The following LRRC9 variants were observed in gnomAD, a reference collection of about 807,000 sequenced individuals.
The protein encoded by LRRC9 is leucine-rich repeat-containing protein 9.
Under a neutral mutation model 63.2 loss-of-function variants are expected in LRRC9, and 122 were observed. The observed-to-expected ratio is 1.93, with a 90% CI of 1.67 to 2.24. The LOEUF is 2.24. LRRC9 is among the 30% of genes most tolerant of loss of function. The probability of loss-of-function intolerance (pLI) is 0.00; values close to 1 mark genes in which losing one functional copy is unlikely to be tolerated. For missense variants in LRRC9, 1,071 were observed against 627.7 expected (o/e 1.71, Z -7.55); for synonymous variants, 366 against 213.1 (o/e 1.72, Z -6.25).
In LRRC9 at chr14:60,009,039, T is replaced by C. The variant is rs1016428584; in HGVS notation, c.3186+825T>C. ...GTTAGCTTTCACTGAAAAATGTTTT[T>C]TAAAATAGTCCTATGAGACCAGTAC... On this transcript the variant is annotated intron_variant, in intron 23 of 31. Transcript: ENST00000445360. 9.8e-5 allele frequency among the ~76,000 whole-genome samples: 15 copies of C among 152,306 alleles called. 1 individual carries two copies. Among genetic ancestry groups the C allele is most frequent in the Admixed American group, 6.5e-4 (10 of 15,296 alleles).
At chr14:60,005,030 T>A (rs567206072) in intron 21 of LRRC9, among the ~76,000 whole-genome samples, 1 of 152,118 alleles carries the variant, frequency 6.6e-6, no homozygotes, top group Admixed American at 6.5e-5. Flanking sequence ...CATTTTTGAA[T>A]TGGATTATTT....
intron 19 of LRRC9, among the ~76,000 whole-genome samples, chr14:60,001,716 T>C (rs1319833831): frequency 1.3e-5 from 2 of 151,742 alleles, no homozygotes; most frequent in African/African-American, 4.9e-5. Context: ...TCTATGTGTG[T>C]TCATATTATA....
At chr14:59,920,171 G>C (rs1190102389) in intron 1 of LRRC9, 1 of 152,312 alleles carries the variant, frequency 6.6e-6, no homozygotes, top group Non-Finnish European at 1.5e-5. Context: ...CCTGGGGCGG[G>C]AGAGGGTTTC....
At chr14:59,954,964 T>C (rs1445335317) in intron 8 of LRRC9, among the ~76,000 whole-genome samples, 1 of 152,258 alleles carries the variant, frequency 6.6e-6, no homozygotes, top group Non-Finnish European at 1.5e-5. Flanking sequence ...TTGCTTATGT[T>C]GAACCGGCCT....
At chr14:59,994,792 A>G (rs1888562133) in intron 17 of LRRC9, among the ~76,000 whole-genome samples, 1 of 151,576 alleles carries the variant, frequency 6.6e-6, no homozygotes, top group Non-Finnish European at 1.5e-5. Context: ...GTCCTCACTC[A>G]CAAGTGGGAA....
chr14:60,040,399 C>T (rs1409718772), intron 29 of LRRC9, among the ~76,000 whole-genome samples: 4 of 151,868 alleles, frequency 2.6e-5, no homozygotes, highest in Non-Finnish European at 5.9e-5. Context: ...GAGTCTCAGT[C>T]TCTTTGTACA....
Position 60,062,906 on chromosome 14 carries a change from T to TC in LRRC9, c.4277-417_4277-416insC, listed in dbSNP as rs1190559920. Among the ~76,000 whole-genome samples the TC allele has an allele frequency of 1.1e-3, 173 of 151,802 alleles. 1 individual carries two copies. Among genetic ancestry groups the TC allele is most frequent in the African/African-American group, 4.1e-3 (169 of 41,414 alleles). ...CTGAGTCCACAGTATTTTTTTTTTT[T>TC]TTGAGACAGAGTTTCACTCTTGTTG... On this transcript the variant is annotated intron_variant, in intron 31 of 31. Coordinates refer to ENST00000445360, the Ensembl canonical transcript of LRRC9.
intron 27 of LRRC9, among the ~76,000 whole-genome samples, chr14:60,025,318 T>C (rs1190389238): frequency 6.6e-6 from 1 of 151,630 alleles, no homozygotes; most frequent in African/African-American, 2.4e-5. Context: ...CCCAGGCTGG[T>C]CTCAGACTCC....
At chr14:60,007,942 A>G in intron 22 of LRRC9, 150 bp from the exon 23 acceptor site, 1 of 206 alleles carries the variant, frequency 4.9e-3, no homozygotes, top group Non-Finnish European at 0.016. Flanking sequence ...CATGTCTTTA[A>G]AAAAAAAAAA....
chr14:59,996,509 A>G (rs766266970), intron 17 of LRRC9, among the ~76,000 whole-genome samples: 12 of 152,212 alleles, frequency 7.9e-5, no homozygotes, highest in Non-Finnish European at 1.8e-4. Flanking sequence ...ATAACAAATT[A>G]AAGTCTTAGA....
At chr14:60,055,601 T>A (rs372642819) in intron 30 of LRRC9, among the ~76,000 whole-genome samples, 1 of 152,044 alleles carries the variant, frequency 6.6e-6, no homozygotes, top group Admixed American at 6.6e-5. Context: ...AAATCAAAAA[T>A]ACTGGCAGGG....
Position 60,057,047 on chromosome 14 carries a change from C to T in LRRC9, c.4132-831C>T, listed in dbSNP as rs1894337401. The stretch of plus-strand genomic sequence containing the variant: ...GGACTGAGCAGCTTTAGTAAAAGGA[C>T]CAATACCTTAGCATTCATTATAAAG... On this transcript the variant is annotated intron_variant, in intron 30 of 31. Transcript: ENST00000445360. Among the ~76,000 whole-genome samples, 3 of 152,204 alleles carry T rather than the reference C, an allele frequency of 2.0e-5. No individual in the cohort carries two copies. In the South Asian group the frequency reaches 6.2e-4, roughly 32 times the overall value.
At chr14:59,952,125 C>T (rs1213072414) in intron 8 of LRRC9, among the ~76,000 whole-genome samples, 3 of 151,976 alleles carry the variant, frequency 2.0e-5, no homozygotes, top group Non-Finnish European at 2.9e-5. Flanking sequence ...AGTTTGATCT[C>T]AGACTGCTGT....
chr14:59,935,453 G>T (rs942322834), intron 6 of LRRC9, among the ~76,000 whole-genome samples: 3 of 152,114 alleles, frequency 2.0e-5, no homozygotes, highest in African/African-American at 7.2e-5. Flanking sequence ...TTTCTAGAAA[G>T]CATTTAGATA....
chr14:60,014,456 C>T (rs1890515313), intron 23 of LRRC9, among the ~76,000 whole-genome samples: 1 of 151,294 alleles, frequency 6.6e-6, no homozygotes, highest in Non-Finnish European at 1.5e-5. Context: ...TAACAGTTTG[C>T]TTAGTTTTCC....
intron 23 of LRRC9, among the ~76,000 whole-genome samples, chr14:60,009,470 C>A (rs1890082054): frequency 6.6e-6 from 1 of 152,164 alleles, no homozygotes; most frequent in South Asian, 2.1e-4. Flanking sequence ...TAAGAAAAAC[C>A]CATCCCCATG....
intron 4 of LRRC9, among the ~76,000 whole-genome samples, chr14:59,931,264 C>A (rs1215205319): frequency 6.6e-6 from 1 of 152,004 alleles, no homozygotes; most frequent in Non-Finnish European, 1.5e-5. Context: ...CTTTACAAGG[C>A]TAAGAGGTAG....
rs1221953615 is a variant in LRRC9, at chr14:59,930,099, T to C, written c.268-819T>C. ...AGTTCAATAAATAAATAAATTGATTTGTGCAAAGGAAAAACAGAAATAAGG... is the reference window on the plus strand; with the variant it reads ...AGTTCAATAAATAAATAAATTGATTCGTGCAAAGGAAAAACAGAAATAAGG... On this transcript the variant is annotated intron_variant, in intron 3 of 31. Transcript: ENST00000445360. This position sits in a 1 kb window ranked among gnomAD's most constrained non-coding sequence, Gnocchi z 4.9. Among the ~76,000 whole-genome samples the C allele has an allele frequency of 6.6e-6, 1 of 152,008 alleles. No homozygotes were observed. The highest frequency in any genetic ancestry group is 1.5e-5 in the Non-Finnish European group (1 of 67,944).
rs1372828355 is a variant in LRRC9 at position 59,964,817 on chromosome 14, C to T, written c.1212-1772C>T. ...TGATTGCAACACTATTCATATCTGT[C>T]TCCTCTACCAGACTGCGAGCTCCTC... is the stretch of plus-strand genomic sequence containing the variant. On this transcript the variant is annotated intron_variant, in intron 10 of 31. Coordinates refer to ENST00000445360, the Ensembl canonical transcript of LRRC9. This position sits in a 1 kb window ranked among gnomAD's most constrained non-coding sequence, Gnocchi z 4.4. Among the ~76,000 whole-genome samples, 1 of 152,190 alleles carries T rather than the reference C, an allele frequency of 6.6e-6. No homozygotes were observed. The highest frequency in any genetic ancestry group is 1.5e-5 in the Non-Finnish European group (1 of 68,034).
Sources: allele counts gnomAD v4.1 joint callset (sites outside exome capture counted in the v4.1 genomes callset), GRCh38; gene constraint gnomAD v4.1.1; non-coding constraint Gnocchi (gnomAD v3.1); transcripts MANE v1.5; gene names NCBI Gene and HGNC (gene_info 2026-07-23, HGNC 2026-07-21).